SELENOI: variants seen among roughly 807,000 people sequenced by gnomAD.
SELENOI encodes selenoprotein I.
A neutral mutation model predicts 50.7 loss-of-function variants in SELENOI; 24 were observed. The ratio of observed to expected loss-of-function variants is 0.47; its 90% CI spans 0.34 to 0.67. SELENOI has a LOEUF of 0.67. SELENOI is among the 30% of genes least tolerant of loss of function. SELENOI has a pLI of 0.01. For missense variants in SELENOI, 352 were observed against 461.4 expected, an observed-to-expected ratio of 0.76 and a Z score of 2.17; for synonymous variants, 155 against 170.2, an observed-to-expected ratio of 0.91 and a Z score of 0.70.
intron 5 of SELENOI, among the ~76,000 whole-genome samples, chr2:26,373,841 A>T (rs1677508868): frequency 6.6e-6 from 1 of 152,124 alleles, no homozygotes; most frequent in East Asian, 1.9e-4. Context: ...GAGAGAATAG[A>T]CCCTAATGTA....
At chr2:26,376,724 G>A (rs149073264) in intron 6 of SELENOI, among the ~76,000 whole-genome samples, 392 of 152,260 alleles carry the variant, frequency 2.6e-3, no homozygotes, top group Middle Eastern at 0.017. Context: ...GAAGTTTGAA[G>A]GACTTCCTTT....
rs1185657603 is a variant in SELENOI at position 26,382,440 on chromosome 2, A to G, written c.683-859A>G. Among the ~76,000 whole-genome samples, 5 of 152,374 alleles carry G rather than the reference A, an allele frequency of 3.3e-5. No homozygotes were observed. In the East Asian group the frequency reaches 9.6e-4, roughly 29 times the overall value. The stretch of plus-strand genomic sequence containing the variant: ...CTTAGCAGTCAGGAATGAAAAAACG[A>G]TACTGAATTTGAACATTAGGAAAGC... On this transcript the variant is annotated intron_variant, in intron 6 of 9. Transcript: ENST00000260585.
At position 26,384,945 on chromosome 2, in the gene SELENOI, A is replaced by G; in HGVS notation, c.732-14A>G. The G allele has an allele frequency of 6.4e-7, 1 of 1,566,380 alleles. No individual in the cohort carries two copies. Among genetic ancestry groups the G allele is most frequent in the Non-Finnish European group, 8.7e-7 (1 of 1,148,772 alleles). On this transcript the variant is annotated splice_polypyrimidine_tract_variant and intron_variant, in intron 7 of 9. Coordinates refer to ENST00000260585, the MANE Select transcript of SELENOI (RefSeq NM_033505.4). ...GTAATAATGTTCTTTATATTACTTGATTTTTTTTTCCAGAAGCTATAAAAA... is the reference window on the plus strand; with the variant it reads ...GTAATAATGTTCTTTATATTACTTGGTTTTTTTTTCCAGAAGCTATAAAAA...
intron 7 of SELENOI, among the ~76,000 whole-genome samples, chr2:26,384,078 A>G (rs1677787219): frequency 2.6e-5 from 4 of 151,990 alleles, no homozygotes; most frequent in Admixed American, 1.3e-4. Flanking sequence ...GAATTTGCCT[A>G]TTGTGTCCTG....
intron 1 of SELENOI, among the ~76,000 whole-genome samples, chr2:26,349,698 T>G (rs1344958583): frequency 1.5e-5 from 2 of 130,386 alleles, no homozygotes; most frequent in Non-Finnish European, 3.3e-5. Flanking sequence ...TTGTCCTGGT[T>G]TGCTCATCAT....
At chr2:26,372,859 A>G (rs1017400844) in intron 4 of SELENOI, among the ~76,000 whole-genome samples, 4 of 152,192 alleles carry the variant, frequency 2.6e-5, no homozygotes, top group South Asian at 2.1e-4. Flanking sequence ...TTGAAGAATT[A>G]TATATTTTAT....
At chr2:26,377,466 C>CA (rs1344386434) in intron 6 of SELENOI, among the ~76,000 whole-genome samples, 2 of 151,708 alleles carry the variant, frequency 1.3e-5, no homozygotes, top group Admixed American at 6.6e-5. Flanking sequence ...CACGTCTCTA[C>CA]AAAAAAATAG....
intron 4 of SELENOI, among the ~76,000 whole-genome samples, chr2:26,370,149 A>T (rs1267319053): frequency 6.6e-6 from 1 of 151,524 alleles, no homozygotes; most frequent in Non-Finnish European, 1.5e-5. Flanking sequence ...GACACAGCAC[A>T]TGTTTCAGAG....
chr2:26,375,889 T>A (rs769744801), intron 6 of SELENOI, among the ~76,000 whole-genome samples: 22 of 152,112 alleles, frequency 1.4e-4, no homozygotes, highest in Admixed American at 3.9e-4. Flanking sequence ...GGAGAATCTC[T>A]TGAGCCCAGG....
intron 7 of SELENOI, among the ~76,000 whole-genome samples, chr2:26,383,993 G>C (rs1462208435): frequency 1.3e-5 from 2 of 152,158 alleles, no homozygotes; most frequent in African/African-American, 2.4e-5. Context: ...TCTGGGTTGC[G>C]GGGAGAAGGG....
At chr2:26,365,257 T>G (rs900190017) in intron 3 of SELENOI, among the ~76,000 whole-genome samples, 4 of 152,234 alleles carry the variant, frequency 2.6e-5, no homozygotes, top group African/African-American at 7.2e-5. Flanking sequence ...AAAAATCCCC[T>G]TTCTTCTGAA....
chr2:26,380,317 T>A (rs544991885), intron 6 of SELENOI, among the ~76,000 whole-genome samples: 1 of 152,340 alleles, frequency 6.6e-6, no homozygotes, highest in East Asian at 1.9e-4. Context: ...AGTAAATATT[T>A]GTGTTTCATT....
At chr2:26,377,854 G>A (rs898662579) in intron 6 of SELENOI, among the ~76,000 whole-genome samples, 1 of 151,382 alleles carries the variant, frequency 6.6e-6, no homozygotes, top group African/African-American at 2.4e-5. Flanking sequence ...CTATTTCTTT[G>A]CATACCTAGC....
chr2:26,386,314 T>A, intron 8 of SELENOI, 40 bp from the exon 9 acceptor site: 1 of 1,577,768 alleles, frequency 6.3e-7, no homozygotes. Flanking sequence ...TAATGAAATT[T>A]TTCTTTTTTT....
At chr2:26,366,172 C>G (rs569581656) in intron 3 of SELENOI, among the ~76,000 whole-genome samples, 2 of 152,190 alleles carry the variant, frequency 1.3e-5, no homozygotes, top group South Asian at 4.2e-4. Flanking sequence ...AAACTTTTAG[C>G]CATAGCTTCT....
chr2:26,354,654 G>C (rs1214707429), intron 1 of SELENOI, among the ~76,000 whole-genome samples: 2 of 152,024 alleles, frequency 1.3e-5, no homozygotes, highest in East Asian at 1.9e-4. Flanking sequence ...GCCTTCCAAA[G>C]TGCTGGGATT....
At chr2:26,382,793 C>G (rs1469466677) in intron 6 of SELENOI, among the ~76,000 whole-genome samples, 1 of 151,342 alleles carries the variant, frequency 6.6e-6, no homozygotes, top group African/African-American at 2.4e-5. Flanking sequence ...TAGTTCGTGA[C>G]CAGCCTGGAA....
chr2:26,379,361 A>G (rs1677635041), intron 6 of SELENOI, among the ~76,000 whole-genome samples: 2 of 152,208 alleles, frequency 1.3e-5, no homozygotes, highest in South Asian at 2.1e-4. Context: ...CATTTGGCCA[A>G]TAGAATTCTT....
At chr2:26,351,835 T>C (rs1048470401) in intron 1 of SELENOI, among the ~76,000 whole-genome samples, 4 of 152,226 alleles carry the variant, frequency 2.6e-5, no homozygotes, top group Admixed American at 1.3e-4. Flanking sequence ...AGATTGCGGT[T>C]ATTTCCATCT....
Sources: gnomAD v4.1 joint callset for allele counts (sites outside exome capture counted in the v4.1 genomes callset) on GRCh38, gnomAD v4.1.1 for gene constraint, MANE v1.5 for transcripts, NCBI Gene and HGNC (gene_info 2026-07-23, HGNC 2026-07-21) for gene names.